ELMO1: variants seen among roughly 807,000 people sequenced by gnomAD.
ELMO1 encodes the protein engulfment and cell motility 1, also known as engulfment and cell motility protein 1.
A neutral mutation model predicts 98.9 loss-of-function variants in ELMO1; 26 were observed. The ratio of observed to expected loss-of-function variants is 0.26; its 90% CI spans 0.19 to 0.36. The LOEUF (loss-of-function observed/expected upper bound fraction) is 0.36. Ranked by LOEUF, ELMO1 falls within the 10% of genes least tolerant of loss-of-function variation. The probability of loss-of-function intolerance (pLI) is 1.00; values close to 1 mark genes in which losing one functional copy is unlikely to be tolerated. For synonymous variants in ELMO1, 346 were observed against 346.0 expected (o/e 1.00, Z 0.00); for missense variants, 627 against 935.2 (o/e 0.67, Z 4.30).
chr7:37,261,026 C>T (rs1236258304), intron 5 of ELMO1, among the ~76,000 whole-genome samples: 2 of 152,220 alleles, frequency 1.3e-5, no homozygotes, highest in Non-Finnish European at 2.9e-5. Context: ...AGGATGTTTG[C>T]ATTTACTATA....
At chr7:37,126,782 G>C (rs151228316) in intron 14 of ELMO1, among the ~76,000 whole-genome samples, 1 of 152,200 alleles carries the variant, frequency 6.6e-6, no homozygotes, top group African/African-American at 2.4e-5. Flanking sequence ...ACGCAGGCAC[G>C]TGGTAGGTGT....
chr7:37,208,922 T>C lies in ELMO1; in HGVS notation c.1086+2464A>G, dbSNP rs144125484. On this transcript the variant is annotated intron_variant, in intron 13 of 21. Transcript: ENST00000310758. ...CCAACACTCTCTTATGATTATTCTCTGTTCAGAGTCTTTGCTTTTTCTAGG... is the reference window on the plus strand; with the variant it reads ...CCAACACTCTCTTATGATTATTCTCCGTTCAGAGTCTTTGCTTTTTCTAGG... Among the ~76,000 whole-genome samples, 397 of 152,326 alleles carry C rather than the reference T, an allele frequency of 2.6e-3. 5 individuals are homozygous for C. Among genetic ancestry groups the C allele is most frequent in the Admixed American group, 0.024 (373 of 15,306 alleles).
chr7:37,229,819 T>G (rs1794071126), intron 8 of ELMO1, among the ~76,000 whole-genome samples: 1 of 152,266 alleles, frequency 6.6e-6, no homozygotes, highest in Non-Finnish European at 1.5e-5. Flanking sequence ...TGAAATAGAT[T>G]AAATGTGCTG....
At chr7:37,401,277 G>T (rs1562667354) in intron 1 of ELMO1, among the ~76,000 whole-genome samples, 1 of 152,162 alleles carries the variant, frequency 6.6e-6, no homozygotes, top group Non-Finnish European at 1.5e-5. Context: ...TAAGGACATT[G>T]AAGGGATGGG....
intron 16 of ELMO1, among the ~76,000 whole-genome samples, chr7:36,974,741 C>T (rs1388488415): frequency 6.6e-6 from 1 of 152,210 alleles, no homozygotes; most frequent in Non-Finnish European, 1.5e-5. Context: ...TTCTTTCGCT[C>T]TTTGCAATAA....
At chr7:37,429,315 G>T (rs182880973) in intron 1 of ELMO1, 2 of 152,314 alleles carry the variant, frequency 1.3e-5, no homozygotes, top group East Asian at 3.9e-4. Flanking sequence ...ATCCATTCCG[G>T]GTGCTGCAGA....
At chr7:37,086,182 G>A (rs867232493) in intron 15 of ELMO1, among the ~76,000 whole-genome samples, 6 of 152,234 alleles carry the variant, frequency 3.9e-5, no homozygotes, top group Non-Finnish European at 1.5e-5. Flanking sequence ...CTCCTGCCAG[G>A]CAGGGCTCCA....
At chr7:37,250,607 A>G (rs899966362) in intron 6 of ELMO1, among the ~76,000 whole-genome samples, 2 of 152,102 alleles carry the variant, frequency 1.3e-5, no homozygotes, top group Non-Finnish European at 2.9e-5. Context: ...CCTGGCTAAC[A>G]TGGTGAAACC....
At chr7:36,862,071 T>C in intron 20 of ELMO1, 1 of 282,414 alleles carries the variant, frequency 3.5e-6, no homozygotes. Context: ...AAAACTGTGT[T>C]ATTCTCCTTT....
intron 15 of ELMO1, among the ~76,000 whole-genome samples, chr7:37,017,998 C>A (rs1483890191): frequency 6.6e-6 from 1 of 152,198 alleles, no homozygotes; most frequent in Non-Finnish European, 1.5e-5. Context: ...CCCCCTGAAC[C>A]TGTTTCCTCA....
rs943318781 is a variant in ELMO1 at position 37,343,080 on chromosome 7, G to C, written c.-73-317C>G. The C allele has an allele frequency of 1.6e-5, 3 of 185,270 alleles. No homozygotes were observed. In the East Asian group the frequency reaches 4.8e-4, roughly 30 times the overall value. The allele number at this position is 185,270 out of a possible 1,614,324, so 11.5% of individuals were successfully genotyped here. A position where few individuals can be genotyped will look rare whatever the true frequency, so the allele number is the denominator to read the frequency against. Reference sequence around the variant, plus strand: ...TGAGTTCTGCTCTGAATGGTGCCCAGGGTCTGAATGAGCCAGGCTCACTCT... The same window carrying C: ...TGAGTTCTGCTCTGAATGGTGCCCACGGTCTGAATGAGCCAGGCTCACTCT... On this transcript the variant is annotated intron_variant, in intron 1 of 21. Transcript: ENST00000310758.
chr7:37,357,718 T>C (rs1801546025), intron 1 of ELMO1, among the ~76,000 whole-genome samples: 1 of 152,244 alleles, frequency 6.6e-6, no homozygotes, highest in Non-Finnish European at 1.5e-5. Context: ...ATAAAATCTC[T>C]TCCTTCTAGT....
intron 14 of ELMO1, among the ~76,000 whole-genome samples, chr7:37,113,733 T>C (rs1321251038): frequency 6.6e-6 from 1 of 152,170 alleles, no homozygotes; most frequent in African/African-American, 2.4e-5. Context: ...AAGAGGTAAT[T>C]AAAATCAAAT....
chr7:37,189,587 CCG>C (rs1005390585), intron 13 of ELMO1, among the ~76,000 whole-genome samples: 4 of 152,110 alleles, frequency 2.6e-5, no homozygotes, highest in African/African-American at 9.7e-5. Context: ...GGGTATGTAA[CCG>C]TGGTTATTCA....
chr7:37,363,145 G>A (rs758582657), intron 1 of ELMO1, among the ~76,000 whole-genome samples: 1 of 151,984 alleles, frequency 6.6e-6, no homozygotes, highest in Non-Finnish European at 1.5e-5. Context: ...ACAACTTCAG[G>A]GCCCTCTGAT....
intron 16 of ELMO1, among the ~76,000 whole-genome samples, chr7:37,013,039 ACT>A (rs1429270243): frequency 1.3e-5 from 2 of 151,754 alleles, no homozygotes; most frequent in Non-Finnish European, 2.9e-5. Flanking sequence ...CCCAAGAAAA[ACT>A]CTCTGCTGGT....
intron 13 of ELMO1, among the ~76,000 whole-genome samples, chr7:37,171,412 T>A (rs1038458910): frequency 6.6e-6 from 1 of 151,616 alleles, no homozygotes; most frequent in Non-Finnish European, 1.5e-5. Context: ...TATTTAAATA[T>A]CTGATTTCTA....
chr7:37,381,005 A>C (rs563421744), intron 1 of ELMO1, among the ~76,000 whole-genome samples: 49 of 152,374 alleles, frequency 3.2e-4, no homozygotes, highest in Admixed American at 1.9e-3. Flanking sequence ...AGACCACAAA[A>C]AGAGTACTTG....
intron 16 of ELMO1, among the ~76,000 whole-genome samples, chr7:36,956,278 A>G (rs919952247): frequency 6.6e-6 from 1 of 152,006 alleles, no homozygotes; most frequent in Non-Finnish European, 1.5e-5. Context: ...AGCCTTCCTT[A>G]TGTTATTTAT....
Sources: allele counts gnomAD v4.1 joint callset (sites outside exome capture counted in the v4.1 genomes callset), GRCh38; gene constraint gnomAD v4.1.1; transcripts MANE v1.5; gene names NCBI Gene and HGNC (gene_info 2026-07-23, HGNC 2026-07-21).